AGO3: variants seen among roughly 807,000 people sequenced by gnomAD.
AGO3 encodes the protein protein argonaute-3.
A neutral mutation model predicts 105.5 loss-of-function variants in AGO3; 16 were observed. The ratio of observed to expected loss-of-function variants is 0.15; its 90% CI spans 0.10 to 0.23. AGO3 has a LOEUF of 0.23. Among genes scored for constraint, AGO3 ranks in the 10% least tolerant of loss-of-function variants. The pLI, the probability that AGO3 is intolerant of heterozygous loss-of-function variation, is 1.00. For missense variants in AGO3, 534 were observed against 1,088.0 expected, an observed-to-expected ratio of 0.49 and a Z score of 7.16; for synonymous variants, 340 against 367.3, an observed-to-expected ratio of 0.93 and a Z score of 0.85.
chr1:36,054,235 T>A (rs1189657049), intron 17 of AGO3, among the ~76,000 whole-genome samples: 1 of 152,208 alleles, frequency 6.6e-6, no homozygotes, highest in Non-Finnish European at 1.5e-5. Context: ...TCTTTATACA[T>A]CTTCCCAGCT....
intron 2 of AGO3, among the ~76,000 whole-genome samples, chr1:35,966,319 T>C (rs1474370375): frequency 6.6e-6 from 1 of 152,192 alleles, no homozygotes; most frequent in Non-Finnish European, 1.5e-5. Context: ...AAAATACGTA[T>C]TGATTTGTGA....
At chr1:35,959,112 C>T (rs542283070) in intron 2 of AGO3, among the ~76,000 whole-genome samples, 1 of 152,234 alleles carries the variant, frequency 6.6e-6, no homozygotes, top group Admixed American at 6.5e-5. Flanking sequence ...ATTTGCTCTC[C>T]TCTTTTTTAC....
intron 5 of AGO3, among the ~76,000 whole-genome samples, chr1:35,981,022 A>G (rs1391631421): frequency 1.3e-5 from 2 of 151,958 alleles, no homozygotes; most frequent in Non-Finnish European, 2.9e-5. Context: ...GAGTTCTGCC[A>G]TGCTTGTTTC....
chr1:36,045,314 C>T (rs1230248757), intron 17 of AGO3, among the ~76,000 whole-genome samples: 2 of 151,984 alleles, frequency 1.3e-5, no homozygotes, highest in Non-Finnish European at 2.9e-5. Flanking sequence ...CTCTGTCTCC[C>T]AGGTTCAAGC....
intron 16 of AGO3, among the ~76,000 whole-genome samples, chr1:36,041,284 C>T (rs1642239718): frequency 6.9e-6 from 1 of 144,208 alleles, no homozygotes; most frequent in South Asian, 2.2e-4. Context: ...CTCTGTCGCC[C>T]AGGTTGGAGT....
At chr1:36,054,152 T>G (rs1387309927) in intron 17 of AGO3, among the ~76,000 whole-genome samples, 5 of 152,158 alleles carry the variant, frequency 3.3e-5, no homozygotes, top group Admixed American at 2.0e-4. Context: ...CAGATTTCCT[T>G]TAGGATATCA....
intron 2 of AGO3, among the ~76,000 whole-genome samples, chr1:35,952,445 A>G (rs1346299890): frequency 1.3e-5 from 2 of 151,872 alleles, no homozygotes; most frequent in African/African-American, 4.8e-5. Flanking sequence ...ATCCGGCCGG[A>G]TATTTCTTAT....
At chr1:36,045,577 C>A (rs183631413) in intron 17 of AGO3, among the ~76,000 whole-genome samples, 2 of 150,736 alleles carry the variant, frequency 1.3e-5, no homozygotes, top group South Asian at 4.2e-4. Flanking sequence ...AGTGTAATGG[C>A]GTGATCCCAG....
intron 5 of AGO3, among the ~76,000 whole-genome samples, chr1:35,998,835 T>C (rs940758515): frequency 1.3e-5 from 2 of 152,160 alleles, no homozygotes; most frequent in African/African-American, 4.8e-5. Context: ...AGTTTTTGTA[T>C]TGTGCTGAAG....
chr1:35,952,418 C>G lies in AGO3; in HGVS notation c.191+6555C>G, dbSNP rs1472057959. ...TCGGCCTCCCAAAATGCTAGGATTA[C>G]AGGGGTGAGCCACTGCATCCGGCCG... On this transcript the variant is annotated intron_variant, in intron 2 of 18. Coordinates refer to ENST00000373191, the MANE Select transcript of AGO3 (RefSeq NM_024852.4). Among the ~76,000 whole-genome samples the G allele has an allele frequency of 2.0e-5, 3 of 151,878 alleles. No homozygotes were observed. The East Asian group carries it at 5.8e-4, about 29-fold the overall frequency.
intron 2 of AGO3, among the ~76,000 whole-genome samples, chr1:35,948,480 C>T (rs1323549879): frequency 5.3e-5 from 8 of 151,122 alleles, no homozygotes; most frequent in Admixed American, 2.0e-4. Flanking sequence ...CCCACCCCAC[C>T]GCCGGCCTCC....
intron 6 of AGO3, among the ~76,000 whole-genome samples, chr1:36,006,623 C>T (rs1274121007): frequency 6.6e-6 from 1 of 152,054 alleles, no homozygotes; most frequent in African/African-American, 2.4e-5. Context: ...ATTAGTATTT[C>T]CTTCTTTTAA....
intron 5 of AGO3, among the ~76,000 whole-genome samples, chr1:35,983,766 T>C (rs1267801210): frequency 6.6e-6 from 1 of 152,208 alleles, no homozygotes; most frequent in Admixed American, 6.5e-5. Flanking sequence ...CTGCCAGGTA[T>C]GAATGGTGGT....
chr1:35,973,600 G>T (rs1042219529), intron 5 of AGO3, 89 bp downstream of exon 5: 38 of 1,254,792 alleles, frequency 3.0e-5, no homozygotes, highest in Admixed American at 6.0e-5. Flanking sequence ...ATACATACTG[G>T]TGTCTCGAAG....
intron 1 of AGO3, among the ~76,000 whole-genome samples, chr1:35,931,743 G>T (rs999615281): frequency 2.0e-5 from 3 of 152,274 alleles, no homozygotes; most frequent in African/African-American, 7.2e-5. Context: ...AGAATGGTTT[G>T]CCATTGTCTA....
At chr1:35,983,659 G>A (rs963688605) in intron 5 of AGO3, among the ~76,000 whole-genome samples, 63 of 152,028 alleles carry the variant, frequency 4.1e-4, no homozygotes, top group African/African-American at 1.4e-3. Context: ...TTCAGCCCTC[G>A]AAACAACTTT....
At chr1:36,014,094 A>C (rs774112679) in intron 11 of AGO3, 46 bp downstream of exon 11, 1 of 1,609,906 alleles carries the variant, frequency 6.2e-7, no homozygotes, top group Non-Finnish European at 8.5e-7. Context: ...TTGTGTTTAG[A>C]CTTTAAATTA....
rs1643051060 is a variant in AGO3, at chr1:36,063,644, T to C, written c.*7899T>C. Reference sequence around the variant, plus strand: ...AGGGAGAGCCAGGTATAAAGACTGATTAATAGAGTACTTCAGCTAATTAAA... The same window carrying C: ...AGGGAGAGCCAGGTATAAAGACTGACTAATAGAGTACTTCAGCTAATTAAA... On this transcript the variant is annotated 3_prime_UTR_variant, in exon 19 of 19. Coordinates refer to ENST00000373191, the MANE Select transcript of AGO3 (RefSeq NM_024852.4). 1 of 152,178 alleles carries C rather than the reference T, an allele frequency of 6.6e-6. No homozygotes were observed. Among genetic ancestry groups the C allele is most frequent in the South Asian group, 2.1e-4 (1 of 4,832 alleles). 9.4% of individuals were successfully genotyped at this position (152,178 alleles called of 1,614,324 possible). A position where few individuals can be genotyped will look rare whatever the true frequency, so the allele number is the denominator to read the frequency against.
At chr1:36,005,158 A>C (rs1164877122) in intron 6 of AGO3, among the ~76,000 whole-genome samples, 11 of 152,196 alleles carry the variant, frequency 7.2e-5, no homozygotes, top group Admixed American at 7.2e-4. Flanking sequence ...CCCTAATCAG[A>C]ATGAATAGGA....
Sources: allele counts gnomAD v4.1 joint callset (sites outside exome capture counted in the v4.1 genomes callset), GRCh38; gene constraint gnomAD v4.1.1; transcripts MANE v1.5; gene names NCBI Gene and HGNC (gene_info 2026-07-23, HGNC 2026-07-21).